Variants in GRIK2 observed in about 807,000 individuals in gnomAD.
GRIK2 encodes the protein glutamate ionotropic receptor kainate type subunit 2, also known as glutamate receptor ionotropic, kainate 2.
A neutral mutation model predicts 100.3 loss-of-function variants in GRIK2; 32 were observed. The observed-to-expected ratio is 0.32, with a 90% confidence interval of 0.24 to 0.43. The LOEUF (loss-of-function observed/expected upper bound fraction) is 0.43, where lower values mean the gene tolerates loss of function less well. Among genes scored for constraint, GRIK2 ranks in the 20% least tolerant of loss-of-function variants. The pLI, the probability that GRIK2 is intolerant of heterozygous loss-of-function variation, is 1.00. For synonymous variants in GRIK2, 417 were observed against 389.4 expected (o/e 1.07, Z -0.83); for missense variants, 843 against 1,114.9 (o/e 0.76, Z 3.47).
chr6:102,023,141 A>T (rs934338658), intron 14 of GRIK2, among the ~76,000 whole-genome samples: 9 of 151,542 alleles, frequency 5.9e-5, no homozygotes, highest in African/African-American at 2.2e-4. Flanking sequence ...ATATTTTCTC[A>T]GATTTATTTC....
At chr6:101,745,322 C>T (rs1776358335) in intron 7 of GRIK2, among the ~76,000 whole-genome samples, 1 of 152,110 alleles carries the variant, frequency 6.6e-6, no homozygotes, top group South Asian at 2.1e-4. Flanking sequence ...CTTCACATCA[C>T]ATTGAGTACT....
intron 11 of GRIK2, among the ~76,000 whole-genome samples, chr6:101,870,719 A>G (rs1339291323): frequency 1.3e-5 from 2 of 151,860 alleles, no homozygotes; most frequent in Non-Finnish European, 2.9e-5. Context: ...TCCTTCAGAA[A>G]AAAAAATTGG....
At chr6:101,647,205 T>C (rs1374893194) in intron 4 of GRIK2, among the ~76,000 whole-genome samples, 2 of 151,864 alleles carry the variant, frequency 1.3e-5, no homozygotes, top group East Asian at 3.9e-4. Context: ...AGACACAAAA[T>C]GTAAAAAACA....
intron 5 of GRIK2, among the ~76,000 whole-genome samples, chr6:101,678,981 C>T (rs943727345): frequency 1.3e-5 from 2 of 152,212 alleles, no homozygotes; most frequent in Non-Finnish European, 2.9e-5. Context: ...AAGTTGAGTA[C>T]ACTAATTGGC....
intron 2 of GRIK2, among the ~76,000 whole-genome samples, chr6:101,531,412 T>C (rs1187367521): frequency 6.6e-6 from 1 of 151,984 alleles, no homozygotes; most frequent in African/African-American, 2.4e-5. Context: ...ATTGTTTAAA[T>C]GAATAAATGA....
At chr6:102,006,390 A>ATATATATATTTTTTTTTTTTTT (rs1315524835) in intron 14 of GRIK2, among the ~76,000 whole-genome samples, 1 of 114,104 alleles carries the variant, frequency 8.8e-6, no homozygotes, top group African/African-American at 4.6e-5. Flanking sequence ...ATATATATAT[A>ATATATATATTTTTTTTTTTTTT]TTTTTTTTTT....
At chr6:101,397,258 T>TGGCAG (rs2128234868) in intron 1 of GRIK2, among the ~76,000 whole-genome samples, 1 of 152,306 alleles carries the variant, frequency 6.6e-6, no homozygotes, top group South Asian at 2.1e-4. Context: ...TTTTTTCCCC[T>TGGCAG]GGCAGTCATT....
chr6:101,962,866 GC>G (rs1467611242), intron 14 of GRIK2, among the ~76,000 whole-genome samples: 1 of 151,458 alleles, frequency 6.6e-6, no homozygotes, highest in Non-Finnish European at 1.5e-5. Flanking sequence ...TTTCTGTATA[GC>G]CTCTCTGTCT....
chr6:101,819,252 TAGTC>T (rs1781809451), intron 10 of GRIK2, among the ~76,000 whole-genome samples: 2 of 152,172 alleles, frequency 1.3e-5, no homozygotes, highest in African/African-American at 4.8e-5. Context: ...AATCCTCAGG[TAGTC>T]AGTAAAAATT....
chr6:101,953,660 C>T (rs972419906), intron 14 of GRIK2, among the ~76,000 whole-genome samples: 1 of 152,104 alleles, frequency 6.6e-6, no homozygotes. Flanking sequence ...ATAGAAATCC[C>T]TCATCAGAAA....
chr6:101,493,972 A>G lies in GRIK2; in HGVS notation c.115+94580A>G, dbSNP rs955114470. On this transcript the variant is annotated intron_variant, in intron 2 of 16. Transcript: ENST00000369134. ...ATATAATATATATATTTTATATATA[A>G]TTTATATATTATATAAAAATTATAA... Among the ~76,000 whole-genome samples, 3 of 128,254 alleles carry G rather than the reference A, an allele frequency of 2.3e-5. No individual in the cohort carries two copies. The East Asian group carries it at 7.6e-4, about 33-fold the overall frequency. The allele number at this position is 128,254 out of a possible 152,430, so 84.1% of individuals were successfully genotyped here.
At chr6:101,586,030 A>G (rs765065294) in intron 2 of GRIK2, among the ~76,000 whole-genome samples, 22 of 152,118 alleles carry the variant, frequency 1.4e-4, no homozygotes, top group Admixed American at 6.6e-4. Flanking sequence ...ACTCATTCAC[A>G]TTGCAAGTTA....
At chr6:101,607,908 A>T (rs1679769346) in intron 2 of GRIK2, among the ~76,000 whole-genome samples, 1 of 151,754 alleles carries the variant, frequency 6.6e-6, no homozygotes, top group Non-Finnish European at 1.5e-5. Flanking sequence ...ACCTTTGCCC[A>T]TTCTTCTGAT....
intron 7 of GRIK2, among the ~76,000 whole-genome samples, chr6:101,735,798 T>C (rs1488333038): frequency 1.3e-5 from 2 of 152,158 alleles, no homozygotes; most frequent in Non-Finnish European, 2.9e-5. Context: ...TCAAAACCAA[T>C]CATGCCTTCC....
At chr6:101,703,865 C>T (rs971337065) in intron 7 of GRIK2, among the ~76,000 whole-genome samples, 2 of 150,920 alleles carry the variant, frequency 1.3e-5, no homozygotes, top group Non-Finnish European at 3.0e-5. Flanking sequence ...TGTGGAAATT[C>T]AGATGCAGGT....
At chr6:101,550,377 T>C (rs1284135883) in intron 2 of GRIK2, among the ~76,000 whole-genome samples, 2 of 152,204 alleles carry the variant, frequency 1.3e-5, no homozygotes, top group African/African-American at 4.8e-5. Context: ...AAAATAACAA[T>C]GGCATACTGT....
intron 4 of GRIK2, among the ~76,000 whole-genome samples, chr6:101,674,795 T>G (rs574432336): frequency 3.3e-5 from 5 of 152,314 alleles, no homozygotes; most frequent in African/African-American, 1.2e-4. Flanking sequence ...AGCTGTTAGG[T>G]GTAGAAGCTG....
At chr6:101,782,810 T>G (rs1460765876) in intron 7 of GRIK2, among the ~76,000 whole-genome samples, 7 of 152,034 alleles carry the variant, frequency 4.6e-5, no homozygotes, top group African/African-American at 1.7e-4. Flanking sequence ...CTGTACTAAT[T>G]TACATTCCCA....
intron 14 of GRIK2, among the ~76,000 whole-genome samples, chr6:101,997,712 C>T (rs987280127): frequency 2.0e-5 from 3 of 151,994 alleles, no homozygotes; most frequent in Non-Finnish European, 4.4e-5. Flanking sequence ...ATATCATCTA[C>T]ATTGATCTGT....
Sources: allele counts gnomAD v4.1 joint callset (sites outside exome capture counted in the v4.1 genomes callset), GRCh38; gene constraint gnomAD v4.1.1; transcripts MANE v1.5; gene names NCBI Gene and HGNC (gene_info 2026-07-23, HGNC 2026-07-21).